The following STXBP4 variants were observed in gnomAD, a reference collection of about 807,000 sequenced individuals.
The protein encoded by STXBP4 is syntaxin binding protein 4, also known as syntaxin-binding protein 4.
STXBP4 carries 55 observed loss-of-function variants against 76.1 expected under a neutral mutation model. The ratio of observed to expected loss-of-function variants is 0.72; its 90% confidence interval spans 0.58 to 0.91. The LOEUF is 0.91. Among genes scored for constraint, STXBP4 ranks in the 40% least tolerant of loss-of-function variants. STXBP4 has a pLI of 0.00. For missense variants in STXBP4, 618 were observed against 636.9 expected (o/e 0.97, Z 0.32); for synonymous variants, 201 against 220.2 (o/e 0.91, Z 0.77).
chr17:55,013,238 G>A (rs1384641572), intron 8 of STXBP4, among the ~76,000 whole-genome samples: 4 of 152,198 alleles, frequency 2.6e-5, no homozygotes, highest in Non-Finnish European at 5.9e-5. Flanking sequence ...GACTCCCAGA[G>A]CTGTTTCTGT....
chr17:55,098,627 G>A (rs2079524881), intron 16 of STXBP4, among the ~76,000 whole-genome samples: 1 of 152,174 alleles, frequency 6.6e-6, no homozygotes. Flanking sequence ...TGATGTGTTT[G>A]AGAAAAGCAA....
Position 55,172,685 on chromosome 17 carries a change from G to A in STXBP4, c.*12774G>A, listed in dbSNP as rs1044277170. On this transcript the variant is annotated 3_prime_UTR_variant, in exon 18 of 18. Coordinates refer to ENST00000376352, the MANE Select transcript of STXBP4 (RefSeq NM_178509.6). ...CATCTCGTAATAACTTGGTGAGATAGGGCAAGCATTATTTCTAATTTGCAT... is the reference window on the plus strand; with the variant it reads ...CATCTCGTAATAACTTGGTGAGATAAGGCAAGCATTATTTCTAATTTGCAT... 2.6e-5 allele frequency: 4 copies of A among 152,176 alleles called. No homozygotes were observed. The highest frequency in any genetic ancestry group is 9.7e-5 in the African/African-American group (4 of 41,444). 9.4% of individuals were successfully genotyped at this position (152,176 alleles called of 1,614,324 possible).
chr17:55,047,184 T>TAG, intron 12 of STXBP4, 30 bp downstream of exon 12: 3 of 1,144,500 alleles, frequency 2.6e-6, no homozygotes, highest in Non-Finnish European at 3.7e-6. Context: ...ATATATGTGC[T>TAG]CGTGTGTGTG....
In STXBP4 at chr17:55,164,334, G is replaced by A. The variant is rs1023649049; in HGVS notation, c.*4423G>A. On this transcript the variant is annotated 3_prime_UTR_variant, in exon 18 of 18. Coordinates refer to ENST00000376352, the MANE Select transcript of STXBP4 (RefSeq NM_178509.6). ...AAAAGTTCAATTTTTACTTTTGGGG[G>A]TTGGACTGTTCTGAGGGAAAGGGCG... 2.0e-5 allele frequency: 3 copies of A among 151,780 alleles called. No individual in the cohort carries two copies. The highest frequency in any genetic ancestry group is 2.9e-5 in the Non-Finnish European group (2 of 67,992). 9.4% of individuals were successfully genotyped at this position (151,780 alleles called of 1,614,324 possible).
intron 12 of STXBP4, among the ~76,000 whole-genome samples, chr17:55,052,916 CGTGTGTGTGTGTGTGTGT>C (rs59163531): frequency 3.6e-4 from 34 of 95,702 alleles, no homozygotes; most frequent in African/African-American, 1.3e-3. Flanking sequence ...ACGTGTATGA[CGTGTGTGTGTGTGTGTGT>C]GTGTGTGTGT....
At chr17:55,035,096 GA>G (rs2078575398) in intron 10 of STXBP4, among the ~76,000 whole-genome samples, 1 of 151,794 alleles carries the variant, frequency 6.6e-6, no homozygotes, top group African/African-American at 2.4e-5. Context: ...CCATTGATTT[GA>G]AATGCAAACT....
downstream of STXBP4, among the ~76,000 whole-genome samples, chr17:55,175,147 A>G (rs1313178098): frequency 6.6e-6 from 1 of 152,246 alleles, no homozygotes; most frequent in Non-Finnish European, 1.5e-5. Context: ...GTCAAATGAC[A>G]GGAAGTCAAA....
intron 3 of STXBP4, among the ~76,000 whole-genome samples, chr17:54,989,142 C>T (rs1236307074): frequency 6.6e-6 from 1 of 152,236 alleles, no homozygotes; most frequent in African/African-American, 2.4e-5. Flanking sequence ...GAGTCTCGCT[C>T]TGTTGCCCAG....
At chr17:55,078,247 G>T (rs890508241) in intron 14 of STXBP4, 53 bp downstream of exon 14, 23 of 1,143,174 alleles carry the variant, frequency 2.0e-5, no homozygotes, top group East Asian at 9.5e-5. Flanking sequence ...TAGGCAACTG[G>T]CATATAGATA....
chr17:55,001,991 G>A (rs1055592882), intron 7 of STXBP4, among the ~76,000 whole-genome samples: 2 of 152,158 alleles, frequency 1.3e-5, no homozygotes, highest in African/African-American at 4.8e-5. Flanking sequence ...AGTTTCCTCC[G>A]ATTTGGGGTG....
intron 12 of STXBP4, among the ~76,000 whole-genome samples, chr17:55,048,472 A>T (rs938000173): frequency 2.6e-5 from 4 of 151,914 alleles, no homozygotes; most frequent in African/African-American, 9.7e-5. Context: ...CCTGATGAAA[A>T]CTTTCCAAAA....
At chr17:55,066,768 C>T (rs185411218) in intron 12 of STXBP4, among the ~76,000 whole-genome samples, 2 of 152,162 alleles carry the variant, frequency 1.3e-5, no homozygotes, top group African/African-American at 2.4e-5. Flanking sequence ...CCATCACTTT[C>T]GGAGGCCGAG....
the STXBP4 span, among the ~76,000 whole-genome samples, chr17:55,188,418 G>A: frequency 6.6e-6 from 1 of 152,168 alleles, no homozygotes; most frequent in Non-Finnish European, 1.5e-5. Flanking sequence ...CTAAACCAGA[G>A]TCCCCATTGT....
At position 55,157,340 on chromosome 17, in the gene STXBP4, G is replaced by A. The variant is rs184697275; in HGVS notation, c.1548-2457G>A. On this transcript the variant is annotated intron_variant, in intron 17 of 17. Coordinates refer to ENST00000376352, the MANE Select transcript of STXBP4 (RefSeq NM_178509.6). The stretch of plus-strand genomic sequence containing the variant: ...CATTTCACCTTGCAGTGGCATTCCA[G>A]CCCTCTCATGTTACACTCATTAGTA... Among the ~76,000 whole-genome samples the A allele has an allele frequency of 2.1e-4, 32 of 152,260 alleles. No homozygotes were observed. The East Asian group carries it at 6.0e-3, about 28-fold the overall frequency.
intron 16 of STXBP4, among the ~76,000 whole-genome samples, chr17:55,107,961 G>A (rs532455398): frequency 1.2e-4 from 19 of 152,330 alleles, no homozygotes; most frequent in African/African-American, 3.8e-4. Flanking sequence ...TGGGAGATCC[G>A]CTGCGCTCTT....
At chr17:55,174,262 C>G (rs1167085429), downstream of STXBP4, among the ~76,000 whole-genome samples, 1 of 152,230 alleles carries the variant, frequency 6.6e-6, no homozygotes, top group African/African-American at 2.4e-5. Flanking sequence ...CAAGAAACTT[C>G]CAAGCTGTTT....
chr17:55,098,049 T>C (rs766797535), intron 16 of STXBP4, among the ~76,000 whole-genome samples: 6 of 152,194 alleles, frequency 3.9e-5, no homozygotes, highest in Non-Finnish European at 7.4e-5. Context: ...TGTCATTGTG[T>C]AAAAGGATTA....
chr17:55,135,849 T>G (rs950939507), intron 16 of STXBP4, among the ~76,000 whole-genome samples: 4 of 152,194 alleles, frequency 2.6e-5, no homozygotes, highest in African/African-American at 9.6e-5. Flanking sequence ...TTTTGTGTTC[T>G]TCAAAGAGTT....
chr17:55,119,697 CAT>C (rs1481763134), intron 16 of STXBP4, among the ~76,000 whole-genome samples: 1 of 151,890 alleles, frequency 6.6e-6, no homozygotes, highest in Non-Finnish European at 1.5e-5. Flanking sequence ...TATCCATAAG[CAT>C]ATGACACTGA....
Sources: allele counts gnomAD v4.1 joint callset (sites outside exome capture counted in the v4.1 genomes callset), GRCh38; gene constraint gnomAD v4.1.1; transcripts MANE v1.5; gene names NCBI Gene and HGNC (gene_info 2026-07-23, HGNC 2026-07-21).